Variants in ADGRG7 observed in about 807,000 individuals in gnomAD.
ADGRG7 encodes the protein adhesion G protein-coupled receptor G7.
A neutral mutation model predicts 88.6 loss-of-function variants in ADGRG7; 82 were observed. The observed-to-expected ratio is 0.93, with a 90% CI of 0.77 to 1.11. The LOEUF (loss-of-function observed/expected upper bound fraction) is 1.11. ADGRG7 is among the 50% of genes most tolerant of loss of function. ADGRG7 has a pLI of 0.00. For missense variants in ADGRG7, 945 were observed against 953.4 expected (o/e 0.99, Z 0.12); for synonymous variants, 381 against 345.2 (o/e 1.10, Z -1.15).
intron 1 of ADGRG7, among the ~76,000 whole-genome samples, chr3:100,621,844 G>T (rs905122542): frequency 2.0e-5 from 3 of 152,156 alleles, no homozygotes; most frequent in African/African-American, 4.8e-5. Flanking sequence ...CAAACATCTG[G>T]CTCCAAACTT....
rs1030874880 is a variant in ADGRG7, at chr3:100,633,437, G to T, written c.447+60G>T. ...GAAGTTCTGATTCCGTGCAGTTTCT[G>T]TTCTTCAGATACCTGATGGTCAAAT... On this transcript the variant is annotated intron_variant, in intron 4 of 15. Coordinates refer to ENST00000273352, the MANE Select transcript of ADGRG7 (RefSeq NM_032787.3). The T allele has an allele frequency of 7.9e-6, 7 of 890,632 alleles. No individual in the cohort carries two copies. The African/African-American group carries it at 1.2e-4, about 15-fold the overall frequency. 55.2% of individuals were successfully genotyped at this position (890,632 alleles called of 1,614,324 possible).
Position 100,679,056 on chromosome 3 carries a change from C to T in ADGRG7, c.2136+9951C>T, listed in dbSNP as rs114420296. Among the ~76,000 whole-genome samples, 163 of 152,284 alleles carry T rather than the reference C, an allele frequency of 1.1e-3. 1 individual carries two copies. Among genetic ancestry groups the T allele is most frequent in the African/African-American group, 3.8e-3 (158 of 41,566 alleles). ...CCTTCCTTTCAGGGCAATGAGATCC[C>T]CCTGTCCCCAGGTCGGTCCAGAGGT... On this transcript the variant is annotated intron_variant, in intron 15 of 15. Transcript: ENST00000273352.
chr3:100,613,738 G>C (rs1339990078), intron 1 of ADGRG7, among the ~76,000 whole-genome samples: 1 of 152,094 alleles, frequency 6.6e-6, no homozygotes, highest in Non-Finnish European at 1.5e-5. Flanking sequence ...GGATTTCAAG[G>C]TATTAGATAT....
At chr3:100,686,277 C>T (rs2094982477) in intron 15 of ADGRG7, among the ~76,000 whole-genome samples, 1 of 151,906 alleles carries the variant, frequency 6.6e-6, no homozygotes, top group Non-Finnish European at 1.5e-5. Flanking sequence ...GGATATTAGC[C>T]CTTTGTCAGA....
chr3:100,645,337 C>A (rs887785218), intron 8 of ADGRG7, among the ~76,000 whole-genome samples: 33 of 152,312 alleles, frequency 2.2e-4, no homozygotes, highest in African/African-American at 7.7e-4. Flanking sequence ...TCACAGTAGA[C>A]TGCTAGCCTT....
intron 1 of ADGRG7, among the ~76,000 whole-genome samples, chr3:100,619,962 C>G (rs1001813657): frequency 5.3e-5 from 8 of 152,126 alleles, no homozygotes; most frequent in Non-Finnish European, 1.0e-4. Flanking sequence ...GATTCACAGC[C>G]AAATTCTACC....
At chr3:100,633,121 T>C (rs2149018164) in intron 3 of ADGRG7, 144 bp from the exon 4 acceptor site, 1 of 390,906 alleles carries the variant, frequency 2.6e-6, no homozygotes, top group East Asian at 4.2e-5. Flanking sequence ...AAAATCAAGA[T>C]AATAAGTGGT....
At chr3:100,614,078 C>A (rs1473209124) in intron 1 of ADGRG7, among the ~76,000 whole-genome samples, 1 of 152,128 alleles carries the variant, frequency 6.6e-6, no homozygotes, top group African/African-American at 2.4e-5. Flanking sequence ...GTTGTAAGTA[C>A]TTAATAATTG....
chr3:100,617,667 A>G (rs574572996), intron 1 of ADGRG7, among the ~76,000 whole-genome samples: 15 of 152,294 alleles, frequency 9.8e-5, no homozygotes, highest in Admixed American at 4.6e-4. Context: ...TAGTGCCGCA[A>G]TAAACATATG....
At position 100,609,899 on chromosome 3, in the gene ADGRG7, G is replaced by C. The variant is rs1707120894; in HGVS notation, c.43G>C (p.Val15Leu). ...CTGGAACCTTAGGGTGCTGGTGGCT[G>C]TCGTGTGTGGACTACTGACTGGCAT... ...RAWNLRVLVA[V>L]VCGLLTGIIL... is the part of the protein sequence containing the mutation. The change falls in exon 1 of 16, where the codon GTC becomes CTC. Residue 15 changes from valine (V) to leucine (L), a missense_variant. Transcript: ENST00000273352. The C allele has an allele frequency of 5.0e-6, 8 of 1,613,900 alleles. No homozygotes were observed. The highest frequency in any genetic ancestry group is 1.3e-5 in the African/African-American group (1 of 74,924).
chr3:100,655,056 A>G lies in ADGRG7; in HGVS notation c.1601A>G (p.His534Arg). Residue 534 changes from histidine (H) to arginine (R), a missense_variant, in exon 12 of 16, where the codon CAC becomes CGC. Coordinates refer to ENST00000273352, the MANE Select transcript of ADGRG7 (RefSeq NM_032787.3). ...TGCACTGCGATTGCCGCCTTACTGC[A>G]CTATTTTCTGTTAGTGACATTTACC... ...PMCTAIAALL[H>R]YFLLVTFTWN... 6.2e-7 allele frequency: 1 copy of G among 1,614,154 alleles called. No homozygotes were observed. Among genetic ancestry groups the G allele is most frequent in the Non-Finnish European group, 8.5e-7 (1 of 1,180,006 alleles).
At chr3:100,629,576 C>A in intron 1 of ADGRG7, 22 bp from the exon 2 acceptor site, 1 of 1,539,154 alleles carries the variant, frequency 6.5e-7, no homozygotes, top group Non-Finnish European at 9.0e-7. Flanking sequence ...CATGACTATT[C>A]TGTTATTTAT....
Position 100,646,565 on chromosome 3 carries a change from A to G in ADGRG7, c.1111-4A>G, listed in dbSNP as rs766873364. On this transcript the variant is annotated splice_polypyrimidine_tract_variant and splice_region_variant and intron_variant, in intron 9 of 15. Transcript: ENST00000273352. Reference sequence around the variant, plus strand: ...GTAATTGTAATTGTCTTATCAATTCATAGTACAACCAAAAAGAATTTCAAC... The same window carrying G: ...GTAATTGTAATTGTCTTATCAATTCGTAGTACAACCAAAAAGAATTTCAAC... The G allele has an allele frequency of 6.2e-7, 1 of 1,610,404 alleles. No homozygotes were observed. The highest frequency in any genetic ancestry group is 1.1e-5 in the South Asian group (1 of 90,612).
At chr3:100,622,159 G>A (rs2149013729) in intron 1 of ADGRG7, among the ~76,000 whole-genome samples, 1 of 152,228 alleles carries the variant, frequency 6.6e-6, no homozygotes, top group East Asian at 1.9e-4. Context: ...TGGTACCCGG[G>A]GCTGGGGACC....
chr3:100,689,246 C>G (rs1379252028), intron 15 of ADGRG7, among the ~76,000 whole-genome samples: 1 of 152,130 alleles, frequency 6.6e-6, no homozygotes, highest in Non-Finnish European at 1.5e-5. Context: ...CTTCCTCCAT[C>G]CCTTTATTTT....
chr3:100,633,227 A>C (rs937168407), intron 3 of ADGRG7, 38 bp from the exon 4 acceptor site: 9 of 1,006,058 alleles, frequency 8.9e-6, no homozygotes, highest in Non-Finnish European at 1.2e-5. Context: ...AATTTTAATA[A>C]ATACTTATTT....
chr3:100,629,404 A>T (rs1296224225), intron 1 of ADGRG7, among the ~76,000 whole-genome samples, 194 bp from the exon 2 acceptor site: 1 of 151,964 alleles, frequency 6.6e-6, no homozygotes, highest in East Asian at 1.9e-4. Context: ...TGGTATCCAT[A>T]GCATCTAGTA....
At chr3:100,691,656 A>G (rs1211097250) in intron 15 of ADGRG7, among the ~76,000 whole-genome samples, 1 of 109,504 alleles carries the variant, frequency 9.1e-6, no homozygotes, top group Non-Finnish European at 2.2e-5. Context: ...ACTTTAATAC[A>G]TTATCAAAAT....
chr3:100,664,950 CTG>C (rs2094949961), intron 14 of ADGRG7: 2 of 335,248 alleles, frequency 6.0e-6, no homozygotes, highest in Non-Finnish European at 1.2e-5. Context: ...AGAAAACAAA[CTG>C]TAAGTAACAA....
Sources: gnomAD v4.1 joint callset for allele counts (sites outside exome capture counted in the v4.1 genomes callset) on GRCh38, gnomAD v4.1.1 for gene constraint, MANE v1.5 for transcripts, NCBI Gene and HGNC (gene_info 2026-07-23, HGNC 2026-07-21) for gene names.